Variants in DNAAF9 observed in about 807,000 individuals in gnomAD.
The protein encoded by DNAAF9 is dynein axonemal assembly factor 9, also known as shulin.
A neutral mutation model predicts 167.0 loss-of-function variants in DNAAF9; 90 were observed. The ratio of observed to expected loss-of-function variants is 0.54; its 90% CI spans 0.45 to 0.64. The LOEUF is 0.64. Among genes scored for constraint, DNAAF9 ranks in the 30% least tolerant of loss-of-function variants. The pLI is 0.00. For synonymous variants in DNAAF9, 491 were observed against 508.8 expected, an observed-to-expected ratio of 0.96 and a Z score of 0.47; for missense variants, 1,315 against 1,442.2, an observed-to-expected ratio of 0.91 and a Z score of 1.43.
At chr20:3,359,458 G>A (rs2083331271) in intron 7 of DNAAF9, 58 bp downstream of exon 7, 1 of 1,053,954 alleles carries the variant, frequency 9.5e-7, no homozygotes, top group African/African-American at 1.6e-5. Context: ...AAGATCACTA[G>A]CAGGTAACTG....
At chr20:3,306,495 G>GT (rs1484809580) in intron 20 of DNAAF9, among the ~76,000 whole-genome samples, 1 of 152,008 alleles carries the variant, frequency 6.6e-6, no homozygotes. Context: ...TTTCACAATT[G>GT]TAACAGGTGG....
chr20:3,254,549 C>T (rs1440108760), intron 35 of DNAAF9, among the ~76,000 whole-genome samples: 1 of 152,126 alleles, frequency 6.6e-6, no homozygotes, highest in Non-Finnish European at 1.5e-5. Context: ...CCCATGTTGT[C>T]CTCCCCAGGA....
chr20:3,326,324 T>C (rs1182642735), intron 12 of DNAAF9, 40 bp from the exon 13 acceptor site: 2 of 1,385,442 alleles, frequency 1.4e-6, no homozygotes, highest in African/African-American at 1.4e-5. Flanking sequence ...TACAGCATCA[T>C]GAGGTTTTTG....
intron 20 of DNAAF9, chr20:3,307,246 A>C: frequency 3.7e-5 from 23 of 624,350 alleles, no homozygotes; most frequent in Non-Finnish European, 4.2e-5. Flanking sequence ...GGAAGAGCTC[A>C]TTATGGGGCA....
chr20:3,388,838 T>G lies in DNAAF9; in HGVS notation c.84-6332A>C, dbSNP rs35953326. ...TGTTTAATAGGTACAGCTTCAGTTT[T>G]GCAAGATGAAAGGTTGTGTGGATGG... On this transcript the variant is annotated intron_variant, in intron 1 of 36. Transcript: ENST00000252032. 2.1e-3 allele frequency among the ~76,000 whole-genome samples: 321 copies of G among 152,338 alleles called. 4 individuals carry two copies. The East Asian group carries it at 0.055, about 26-fold the overall frequency.
chr20:3,260,149 C>G, intron 31 of DNAAF9, 121 bp from the exon 32 acceptor site: 1 of 544,250 alleles, frequency 1.8e-6, no homozygotes. Context: ...ACCATCCTGG[C>G]TAACAAGGTG....
At chr20:3,384,899 C>A (rs991297213) in intron 1 of DNAAF9, among the ~76,000 whole-genome samples, 3 of 151,894 alleles carry the variant, frequency 2.0e-5, no homozygotes, top group African/African-American at 7.3e-5. Flanking sequence ...TAATAAAAGT[C>A]AACACCCATT....
rs529624835 is a variant in DNAAF9, at chr20:3,339,296, T to C, written c.981+1208A>G. On this transcript the variant is annotated intron_variant, in intron 10 of 36. Transcript: ENST00000252032. ...TCATATCTGAGTCTGGTTCTGATAG[T>C]CGCACTGTCTCTTCAAATAGTGTTT... Among the ~76,000 whole-genome samples the C allele has an allele frequency of 7.2e-5, 11 of 152,346 alleles. No homozygotes were observed. In the East Asian group the frequency reaches 1.9e-3, roughly 27 times the overall value.
At chr20:3,281,256 T>C (rs1338461986) in intron 28 of DNAAF9, among the ~76,000 whole-genome samples, 1 of 152,102 alleles carries the variant, frequency 6.6e-6, no homozygotes, top group African/African-American at 2.4e-5. Context: ...CTCGAACTCC[T>C]GTCCTCAAGT....
At chr20:3,339,303 G>C (rs774995449) in intron 10 of DNAAF9, among the ~76,000 whole-genome samples, 3 of 152,154 alleles carry the variant, frequency 2.0e-5, no homozygotes, top group Non-Finnish European at 4.4e-5. Context: ...TAGTCGCACT[G>C]TCTCTTCAAA....
chr20:3,322,750 T>C, intron 14 of DNAAF9, 54 bp from the exon 15 acceptor site: 1 of 1,302,144 alleles, frequency 7.7e-7, no homozygotes, highest in Non-Finnish European at 1.1e-6. Context: ...GCTCCTCAGA[T>C]ACCTGTGCAG....
chr20:3,354,026 T>C (rs2083252602), intron 7 of DNAAF9, among the ~76,000 whole-genome samples: 1 of 152,212 alleles, frequency 6.6e-6, no homozygotes, highest in African/African-American at 2.4e-5. Context: ...ACCAGCATTC[T>C]ATATGAAATG....
In DNAAF9 at chr20:3,298,109, C is replaced by A. The variant is rs1430737273; in HGVS notation, c.1849G>T (p.Val617Phe). 1 of 1,612,490 alleles carries A rather than the reference C, an allele frequency of 6.2e-7. No individual in the cohort carries two copies. Among genetic ancestry groups the A allele is most frequent in the South Asian group, 1.1e-5 (1 of 91,046 alleles). Residue 617 changes from valine to phenylalanine, a missense_variant, in exon 22 of 37, where the codon GTT becomes TTT. Transcript: ENST00000252032. Reference sequence around the variant, plus strand: ...AAATTGCTTGATCCATGGAAATGAACTGGGAGGTGAGGAAGCAATGAGCTT... The same window carrying A: ...AAATTGCTTGATCCATGGAAATGAAATGGGAGGTGAGGAAGCAATGAGCTT... ...FKSSLLPHLP[V>F]HFHGSSNFLM...
At position 3,294,599 on chromosome 20, in the gene DNAAF9, G is replaced by A. The variant is rs2069030576; in HGVS notation, c.2049C>T (p.Ala683=). 6.2e-7 allele frequency: 1 copy of A among 1,613,190 alleles called. No homozygotes were observed. The highest frequency in any genetic ancestry group is 1.1e-5 in the South Asian group (1 of 91,058). Residue 683 remains alanine, a synonymous_variant, in exon 24 of 37, where the codon GCC becomes GCT. Transcript: ENST00000252032. ...GTTTCTCCCCAGCAGGCTGGCTCAG[G>A]GCACTGAAGAGCTTCTGTGCACTGG... is the stretch of plus-strand genomic sequence containing the variant. ...LHSSAQKLFS[A]LSQPAGEKRS...
At chr20:3,258,981 T>C (rs1271231532) in intron 33 of DNAAF9, among the ~76,000 whole-genome samples, 3 of 152,230 alleles carry the variant, frequency 2.0e-5, no homozygotes, top group African/African-American at 7.2e-5. Context: ...CTACTGGTTT[T>C]GAGGCCTTCT....
intron 7 of DNAAF9, among the ~76,000 whole-genome samples, chr20:3,359,242 C>T (rs760995220): frequency 6.6e-6 from 1 of 152,176 alleles, no homozygotes; most frequent in Non-Finnish European, 1.5e-5. Flanking sequence ...AGAAAGAATG[C>T]CTTTAGATAA....
chr20:3,376,355 A>G (rs2083575599), intron 3 of DNAAF9, 53 bp from the exon 4 acceptor site: 1 of 1,451,478 alleles, frequency 6.9e-7, no homozygotes, highest in Admixed American at 2.1e-5. Context: ...TTTCTTTTAG[A>G]TATTTTCTGC....
chr20:3,293,496 T>C (rs1336835633), intron 25 of DNAAF9, among the ~76,000 whole-genome samples: 20 of 147,936 alleles, frequency 1.4e-4, no homozygotes, highest in Non-Finnish European at 2.8e-4. Flanking sequence ...ACCAGCCTAG[T>C]CAACATGGTG....
chr20:3,304,388 A>G lies in DNAAF9; in HGVS notation c.1782+52T>C, dbSNP rs1447190796. Reference sequence around the variant, plus strand: ...AGGAGTTATTTAGTTTTCCCCTCAAAAGTGTGAGCAACTTTCCGACCAAAA... The same window carrying G: ...AGGAGTTATTTAGTTTTCCCCTCAAGAGTGTGAGCAACTTTCCGACCAAAA... On this transcript the variant is annotated intron_variant, in intron 21 of 36. Coordinates refer to ENST00000252032, the MANE Select transcript of DNAAF9 (RefSeq NM_001009984.3). The G allele has an allele frequency of 8.4e-6, 7 of 835,230 alleles. No homozygotes were observed. The Admixed American group carries it at 8.8e-5, about 10-fold the overall frequency. The allele number at this position is 835,230 out of a possible 1,614,324, so 51.7% of individuals were successfully genotyped here.
Sources: gnomAD v4.1 joint callset for allele counts (sites outside exome capture counted in the v4.1 genomes callset) on GRCh38, gnomAD v4.1.1 for gene constraint, MANE v1.5 for transcripts, NCBI Gene and HGNC (gene_info 2026-07-23, HGNC 2026-07-21) for gene names.